The following GRID1 variants were observed in gnomAD, a reference collection of about 807,000 sequenced individuals.
GRID1 encodes glutamate ionotropic receptor delta type subunit 1, also known as glutamate receptor ionotropic, delta-1.
GRID1 carries 28 observed loss-of-function variants against 98.0 expected under a neutral mutation model. That is an observed-to-expected ratio of 0.29 (90% CI 0.21 to 0.39). GRID1 has a LOEUF of 0.39. Among genes scored for constraint, GRID1 ranks in the 10% least tolerant of loss-of-function variants. GRID1 has a pLI of 1.00. For synonymous variants in GRID1, 553 were observed against 538.5 expected (o/e 1.03, Z -0.37); for missense variants, 1,111 against 1,340.5 (o/e 0.83, Z 2.67).
At chr10:85,736,087 A>C (rs1484628774) in intron 8 of GRID1, among the ~76,000 whole-genome samples, 6 of 138,664 alleles carry the variant, frequency 4.3e-5, no homozygotes, top group Admixed American at 3.6e-4. Flanking sequence ...GGAGAGAAGG[A>C]AGGAAGGAAG....
chr10:86,177,535 G>T (rs910149642), intron 3 of GRID1, among the ~76,000 whole-genome samples: 1 of 152,182 alleles, frequency 6.6e-6, no homozygotes. Context: ...GTGTGTGTGT[G>T]CATGCATGAG....
chr10:85,786,720 G>C (rs910191807), intron 8 of GRID1, among the ~76,000 whole-genome samples: 1 of 152,174 alleles, frequency 6.6e-6, no homozygotes, highest in Non-Finnish European at 1.5e-5. Flanking sequence ...TTACAGATGG[G>C]AAAGGGCCGA....
At chr10:85,956,807 A>C (rs901492981) in intron 4 of GRID1, among the ~76,000 whole-genome samples, 2 of 152,226 alleles carry the variant, frequency 1.3e-5, no homozygotes, top group African/African-American at 4.8e-5. Context: ...CAAGCAACAG[A>C]AATTGATTCT....
intron 2 of GRID1, among the ~76,000 whole-genome samples, chr10:86,281,266 G>A (rs1433734061): frequency 2.6e-5 from 4 of 152,352 alleles, no homozygotes; most frequent in Admixed American, 6.5e-5. Flanking sequence ...GTGAGGGAAA[G>A]GCATCTTTCA....
chr10:85,901,628 C>T (rs1336273816), intron 5 of GRID1, among the ~76,000 whole-genome samples: 1 of 152,110 alleles, frequency 6.6e-6, no homozygotes, highest in Non-Finnish European at 1.5e-5. Context: ...ATCACAAAGT[C>T]TACTGAGTAA....
At chr10:85,674,315 G>GC (rs1279946748) in intron 12 of GRID1, among the ~76,000 whole-genome samples, 1 of 152,104 alleles carries the variant, frequency 6.6e-6, no homozygotes, top group Non-Finnish European at 1.5e-5. Context: ...CCCATAGAAA[G>GC]CCCCCCTCAG....
intron 4 of GRID1, among the ~76,000 whole-genome samples, chr10:86,004,727 T>TACACAC (rs1406421884): frequency 1.3e-5 from 1 of 76,726 alleles, no homozygotes; most frequent in African/African-American, 5.7e-5. Flanking sequence ...TCTCTCTTTC[T>TACACAC]ACACACACAC....
At chr10:85,696,581 C>T (rs1412449242) in intron 12 of GRID1, among the ~76,000 whole-genome samples, 2 of 151,962 alleles carry the variant, frequency 1.3e-5, no homozygotes, top group African/African-American at 2.4e-5. Context: ...GTTAGTCTTG[C>T]TTGGGGTTTA....
At chr10:85,910,578 G>A (rs888805521) in intron 5 of GRID1, among the ~76,000 whole-genome samples, 5 of 152,160 alleles carry the variant, frequency 3.3e-5, no homozygotes, top group Admixed American at 1.3e-4. Context: ...GCTGGGGCCT[G>A]AGACTCAAAA....
At chr10:86,171,566 T>C (rs1845488321) in intron 3 of GRID1, among the ~76,000 whole-genome samples, 1 of 152,044 alleles carries the variant, frequency 6.6e-6, no homozygotes, top group African/African-American at 2.4e-5. Context: ...ATAAGTCCCA[T>C]GGGAAAAGAG....
chr10:86,229,104 CT>C (rs1846406571), intron 2 of GRID1, among the ~76,000 whole-genome samples: 1 of 152,098 alleles, frequency 6.6e-6, no homozygotes, highest in African/African-American at 2.4e-5. Flanking sequence ...ACATGATCTC[CT>C]TTGGGCCTTC....
chr10:86,273,546 C>T (rs374016427), intron 2 of GRID1, among the ~76,000 whole-genome samples: 10 of 150,164 alleles, frequency 6.7e-5, no homozygotes, highest in South Asian at 2.1e-4. Context: ...AAAAGTGTTC[C>T]TATTTCTCCA....
intron 12 of GRID1, among the ~76,000 whole-genome samples, chr10:85,689,060 G>C (rs1841303150): frequency 6.6e-6 from 1 of 152,174 alleles, no homozygotes; most frequent in African/African-American, 2.4e-5. Flanking sequence ...GATTCTATCA[G>C]TCAACATATT....
At chr10:86,207,328 A>G (rs913146280) in intron 2 of GRID1, among the ~76,000 whole-genome samples, 9 of 152,338 alleles carry the variant, frequency 5.9e-5, no homozygotes, top group Non-Finnish European at 1.2e-4. Context: ...GCCACTTGAC[A>G]ATAACAAAGA....
At chr10:86,331,291 C>T (rs1280505120) in intron 2 of GRID1, among the ~76,000 whole-genome samples, 2 of 152,220 alleles carry the variant, frequency 1.3e-5, no homozygotes, top group Non-Finnish European at 2.9e-5. Flanking sequence ...CCATGCTAGA[C>T]AGCCCTGGCT....
intron 12 of GRID1, among the ~76,000 whole-genome samples, chr10:85,719,647 C>T (rs1042252099): frequency 6.6e-6 from 1 of 152,096 alleles, no homozygotes; most frequent in African/African-American, 2.4e-5. Flanking sequence ...TCAATTACCT[C>T]TCCCTGGGTC....
chr10:86,226,121 G>C (rs987162242), intron 2 of GRID1, among the ~76,000 whole-genome samples: 5 of 152,052 alleles, frequency 3.3e-5, no homozygotes, highest in Admixed American at 6.5e-5. Flanking sequence ...CGAAAGGGAA[G>C]AAGGACATCC....
chr10:86,354,191 C>A (rs181586377), intron 2 of GRID1, among the ~76,000 whole-genome samples: 1 of 152,178 alleles, frequency 6.6e-6, no homozygotes, highest in Admixed American at 6.5e-5. Flanking sequence ...AGGCCAGGAC[C>A]CAGTTTATAG....
intron 4 of GRID1, chr10:86,052,588 G>A (rs1428350009): frequency 6.6e-6 from 1 of 151,860 alleles, no homozygotes; most frequent in Non-Finnish European, 1.5e-5. Flanking sequence ...TAGACAGATA[G>A]ATACATATGT....
Sources: gnomAD v4.1 joint callset for allele counts (sites outside exome capture counted in the v4.1 genomes callset) on GRCh38, gnomAD v4.1.1 for gene constraint, MANE v1.5 for transcripts, NCBI Gene and HGNC (gene_info 2026-07-23, HGNC 2026-07-21) for gene names.